TMEM44: variants seen among roughly 807,000 people sequenced by gnomAD.
The protein encoded by TMEM44 is transmembrane protein 44.
A neutral mutation model predicts 47.8 loss-of-function variants in TMEM44; 43 were observed. That is an observed-to-expected ratio of 0.90 (90% CI 0.70 to 1.16). TMEM44 has a LOEUF of 1.16. Ranked by LOEUF, TMEM44 falls within the 50% of genes most tolerant of loss-of-function variation. TMEM44 has a pLI of 0.00. For synonymous variants in TMEM44, 277 were observed against 238.8 expected (o/e 1.16, Z -1.48); for missense variants, 568 against 555.2 (o/e 1.02, Z -0.23).
intron 2 of TMEM44, among the ~76,000 whole-genome samples, chr3:194,626,435 G>A (rs564632664): frequency 6.6e-6 from 1 of 152,310 alleles, no homozygotes; most frequent in East Asian, 1.9e-4. Context: ...CAGTGTCTAT[G>A]GGAAAGCAAA....
At chr3:194,595,675 G>T (rs1705998) in intron 9 of TMEM44, among the ~76,000 whole-genome samples, 75,277 of 149,730 alleles carry the variant, frequency 0.5, 19,407 homozygotes, top group Non-Finnish European at 0.56. Context: ...GCCCAGGCTC[G>T]AGTACAATGG....
rs972262063 is a variant in TMEM44 at position 194,616,083 on chromosome 3, G to A, written c.784-386C>T. Among the ~76,000 whole-genome samples the A allele has an allele frequency of 6.0e-4, 90 of 150,856 alleles. 1 individual carries two copies. Among genetic ancestry groups the A allele is most frequent in the African/African-American group, 2.1e-3 (86 of 41,012 alleles). ...CTTTTTTTTTTTGAGACAGAGTCTC[G>A]CTCTGTCACCCAGGCTGGAGTGCGG... On this transcript the variant is annotated intron_variant, in intron 6 of 9. Transcript: ENST00000347147.
In TMEM44 at chr3:194,611,937, G is replaced by A. The variant is rs1318309890; in HGVS notation, c.913-917C>T. Among the ~76,000 whole-genome samples, 1 of 152,010 alleles carries A rather than the reference G, an allele frequency of 6.6e-6. No homozygotes were observed. The highest frequency in any genetic ancestry group is 2.4e-5 in the African/African-American group (1 of 41,384). On this transcript the variant is annotated intron_variant, in intron 7 of 9. Transcript: ENST00000347147. The surrounding 1 kb of genome is among the most constrained non-coding windows in gnomAD (Gnocchi z 4.2). ...CGTGGGAGGCGGAGGCAGGAGAATC[G>A]CTTGAACCCAGGAGGCGGAGGTTGC...
chr3:194,633,318 C>T lies in TMEM44; in HGVS notation c.-103G>A. On this transcript the variant is annotated 5_prime_UTR_variant, in exon 1 of 10. Transcript: ENST00000347147. ...CGCCCCGCGTGCCCTTCTCTGGGTT[C>T]CGTTCCGCCGCGGCGCCTCCGGCCG... The T allele has an allele frequency of 2.1e-6, 1 of 471,800 alleles. No individual in the cohort carries two copies. Among genetic ancestry groups the T allele is most frequent in the Non-Finnish European group, 2.8e-6 (1 of 357,154 alleles). 29.2% of individuals were successfully genotyped at this position (471,800 alleles called of 1,614,324 possible).
chr3:194,596,353 C>T (rs1713408583), intron 9 of TMEM44, among the ~76,000 whole-genome samples: 1 of 152,312 alleles, frequency 6.6e-6, no homozygotes, highest in African/African-American at 2.4e-5. Context: ...ATTGGAAATG[C>T]CTCTAGAGAC....
At chr3:194,633,001 T>C in intron 1 of TMEM44, 78 bp downstream of exon 1, 1 of 1,505,054 alleles carries the variant, frequency 6.6e-7, no homozygotes. Context: ...CCCCCTCCTC[T>C]AGGTTTCCGA....
intron 7 of TMEM44, among the ~76,000 whole-genome samples, chr3:194,613,260 C>A (rs1199626570): frequency 2.0e-5 from 3 of 152,020 alleles, no homozygotes; most frequent in African/African-American, 7.3e-5. Context: ...TCACTGCAAC[C>A]TCCGCCTCCT....
chr3:194,595,628 T>TCTC (rs35339354), intron 9 of TMEM44, among the ~76,000 whole-genome samples: 2 of 107,046 alleles, frequency 1.9e-5, no homozygotes, highest in Non-Finnish European at 4.0e-5. Flanking sequence ...CATTCTCTAT[T>TCTC]TTTTTTTTTT....
At chr3:194,596,876 G>A (rs545480153) in intron 9 of TMEM44, 2 of 152,300 alleles carry the variant, frequency 1.3e-5, no homozygotes, top group Non-Finnish European at 2.9e-5. Context: ...GAATGATTTG[G>A]CTTTAAAAAG....
intron 9 of TMEM44, among the ~76,000 whole-genome samples, chr3:194,594,320 T>C (rs1713149539): frequency 1.3e-5 from 2 of 152,030 alleles, no homozygotes; most frequent in Admixed American, 1.3e-4. Flanking sequence ...CCCAGGACCA[T>C]GCCCAGCTAA....
chr3:194,604,219 G>A (rs1246590680), intron 9 of TMEM44, 68 bp downstream of exon 9: 2 of 1,535,980 alleles, frequency 1.3e-6, no homozygotes, highest in Non-Finnish European at 1.8e-6. Context: ...CAAGCCCCAA[G>A]GAGCACCCAG....
intron 1 of TMEM44, among the ~76,000 whole-genome samples, chr3:194,631,961 C>A (rs1717868796): frequency 6.6e-6 from 1 of 152,232 alleles, no homozygotes; most frequent in Non-Finnish European, 1.5e-5. Flanking sequence ...CTGTGAGGAA[C>A]AAAAGGATAA....
At chr3:194,624,407 G>A (rs1165610130) in intron 3 of TMEM44, among the ~76,000 whole-genome samples, 1 of 152,084 alleles carries the variant, frequency 6.6e-6, no homozygotes, top group Non-Finnish European at 1.5e-5. Flanking sequence ...ACACACTGCT[G>A]CAGCACCCCC....
At chr3:194,622,479 C>CA (rs1716657600) in intron 5 of TMEM44, 1 of 152,302 alleles carries the variant, frequency 6.6e-6, no homozygotes, top group East Asian at 1.9e-4. Context: ...TCTTACCCCC[C>CA]CCAGCACTGG....
chr3:194,594,254 C>T (rs1713140538), intron 9 of TMEM44, among the ~76,000 whole-genome samples: 1 of 151,986 alleles, frequency 6.6e-6, no homozygotes, highest in South Asian at 2.1e-4. Context: ...ATCTCTGCCT[C>T]CCAGGTTCAA....
chr3:194,588,770 A>G, intron 9 of TMEM44, 131 bp from the exon 10 acceptor site: 1 of 847,196 alleles, frequency 1.2e-6, no homozygotes, highest in Non-Finnish European at 1.9e-6. Flanking sequence ...ACAAAAGGGT[A>G]AGGACAAGTT....
chr3:194,606,791 C>A (rs992820308), intron 8 of TMEM44, among the ~76,000 whole-genome samples: 4 of 151,702 alleles, frequency 2.6e-5, no homozygotes, highest in South Asian at 2.1e-4. Flanking sequence ...AATACACACA[C>A]ACAAAATAGC....
chr3:194,617,516 G>A (rs1164580200), intron 5 of TMEM44: 8 of 609,828 alleles, frequency 1.3e-5, no homozygotes, highest in African/African-American at 7.4e-5. Flanking sequence ...ACCCTAAGGC[G>A]AGCAAGCAAC....
chr3:194,617,122 C>A lies in TMEM44; in HGVS notation c.760G>T (p.Gly254Cys). Reference protein sequence around the residue: ...RATPWFLTSLGRAALDLAIIF... With the variant: ...RATPWFLTSLCRAALDLAIIF... ...ACAGCGAGGTCCAGTGCCGCACGGC[C>A]GAGGGAGGTCAGGAACCAGGGTGTG... The change falls in exon 6 of 10, where the codon GGC becomes TGC. Residue 254 changes from glycine to cysteine, a missense_variant. Transcript: ENST00000347147. 4 of 1,554,934 alleles carry A rather than the reference C, an allele frequency of 2.6e-6. No homozygotes were observed. Among genetic ancestry groups the A allele is most frequent in the East Asian group, 2.4e-5 (1 of 41,686 alleles).
Sources: gnomAD v4.1 joint callset for allele counts (sites outside exome capture counted in the v4.1 genomes callset) on GRCh38, gnomAD v4.1.1 for gene constraint, Gnocchi (gnomAD v3.1) non-coding constraint, MANE v1.5 for transcripts, NCBI Gene and HGNC (gene_info 2026-07-23, HGNC 2026-07-21) for gene names.